DOCK2: variants seen among roughly 807,000 people sequenced by gnomAD.
DOCK2 encodes dedicator of cytokinesis 2.
Under a neutral mutation model 248.9 loss-of-function variants are expected in DOCK2, and 87 were observed. That is an observed-to-expected ratio of 0.35 (90% CI 0.29 to 0.42). The LOEUF (loss-of-function observed/expected upper bound fraction) is 0.42, where lower values mean the gene tolerates loss of function less well. DOCK2 is among the 10% of genes least tolerant of loss of function. DOCK2 has a pLI of 1.00. For missense variants in DOCK2, 1,747 were observed against 2,300.2 expected, an observed-to-expected ratio of 0.76 and a Z score of 4.92; for synonymous variants, 805 against 821.6, an observed-to-expected ratio of 0.98 and a Z score of 0.35.
At position 169,724,281 on chromosome 5, in the gene DOCK2, AAAC is replaced by A. The variant is rs755059095; in HGVS notation, c.2267+5502_2267+5504del. 1.4e-4 allele frequency among the ~76,000 whole-genome samples: 22 copies of A among 152,286 alleles called. No individual in the cohort carries two copies. In the South Asian group the frequency reaches 2.9e-3, roughly 20 times the overall value. ...TCCCTAAGTGCAGTAGGAATTCTGC[AAAC>A]AACAACAACAAGATGAGCTGGAGCA... On this transcript the variant is annotated intron_variant, in intron 22 of 51. Coordinates refer to ENST00000520908, the MANE Select transcript of DOCK2 (RefSeq NM_004946.3).
chr5:169,976,153 T>A (rs536308631), intron 27 of DOCK2, among the ~76,000 whole-genome samples: 10 of 152,248 alleles, frequency 6.6e-5, no homozygotes, highest in Non-Finnish European at 1.3e-4. Flanking sequence ...ATTGAACCCA[T>A]GCAATATGCA....
At chr5:169,910,575 G>A (rs1774539739) in intron 27 of DOCK2, among the ~76,000 whole-genome samples, 1 of 152,052 alleles carries the variant, frequency 6.6e-6, no homozygotes, top group African/African-American at 2.4e-5. Flanking sequence ...GCTCCTCCGA[G>A]GTTCACTGCA....
chr5:170,034,813 G>A (rs1447385007), intron 35 of DOCK2, among the ~76,000 whole-genome samples: 2 of 152,328 alleles, frequency 1.3e-5, no homozygotes, highest in Non-Finnish European at 1.5e-5. Flanking sequence ...ACATCACATG[G>A]AAGGAAGATG....
chr5:169,744,720 T>C (rs1763509873), intron 22 of DOCK2, among the ~76,000 whole-genome samples: 1 of 152,086 alleles, frequency 6.6e-6, no homozygotes, highest in African/African-American at 2.4e-5. Context: ...GCCATTAAGA[T>C]CACTCCAAAA....
intron 2 of DOCK2, among the ~76,000 whole-genome samples, chr5:169,658,766 TG>T (rs999300140): frequency 2.0e-4 from 31 of 151,270 alleles, no homozygotes; most frequent in African/African-American, 7.0e-4. Context: ...GTCTTTAAGT[TG>T]GGCATGATGG....
chr5:170,066,686 T>C (rs1382365623), intron 44 of DOCK2, among the ~76,000 whole-genome samples: 1 of 152,182 alleles, frequency 6.6e-6, no homozygotes, highest in Admixed American at 6.5e-5. Flanking sequence ...TTTTATTTAG[T>C]TTGTTTCTGT....
At chr5:169,657,270 G>A (rs1758176214) in intron 2 of DOCK2, among the ~76,000 whole-genome samples, 1 of 151,958 alleles carries the variant, frequency 6.6e-6, no homozygotes, top group Non-Finnish European at 1.5e-5. Flanking sequence ...CTTCAGATGG[G>A]GTGTATGGTC....
At chr5:170,019,132 AT>A in intron 33 of DOCK2, 24 bp downstream of exon 33, 1 of 1,612,976 alleles carries the variant, frequency 6.2e-7, no homozygotes, top group Non-Finnish European at 8.5e-7. Context: ...CCGGAAACTC[AT>A]GCCAGCATGC....
chr5:170,065,211 G>T (rs1757449900), intron 44 of DOCK2, among the ~76,000 whole-genome samples: 1 of 152,152 alleles, frequency 6.6e-6, no homozygotes, highest in South Asian at 2.1e-4. Flanking sequence ...TATGTTTTAT[G>T]TAAGCCTCAG....
intron 35 of DOCK2, among the ~76,000 whole-genome samples, chr5:170,035,311 A>ATT (rs1756286285): frequency 6.6e-6 from 1 of 152,182 alleles, no homozygotes; most frequent in Non-Finnish European, 1.5e-5. Context: ...CCATCACATC[A>ATT]ACCTCCCTAC....
At chr5:169,883,041 A>G (rs1379854346) in intron 27 of DOCK2, 3 of 1,551,652 alleles carry the variant, frequency 1.9e-6, no homozygotes, top group Non-Finnish European at 2.6e-6. Context: ...GGTCTTTGTC[A>G]TCTGAGTTGT....
At chr5:170,039,182 A>G (rs954741374) in intron 36 of DOCK2, among the ~76,000 whole-genome samples, 1 of 152,156 alleles carries the variant, frequency 6.6e-6, no homozygotes, top group Non-Finnish European at 1.5e-5. Flanking sequence ...TAAAACACCC[A>G]TTTTTTGAAT....
In DOCK2 at chr5:169,936,541, G is replaced by A. The variant is rs1776006814; in HGVS notation, c.2800-46527G>A. On this transcript the variant is annotated intron_variant, in intron 27 of 51. Coordinates refer to ENST00000520908, the MANE Select transcript of DOCK2 (RefSeq NM_004946.3). ...ATTCTATCCTGTGTGTATTTCGATG[G>A]GCATGTTGGGGAGAATCATTGGTGA... Among the ~76,000 whole-genome samples the A allele has an allele frequency of 2.0e-5, 3 of 150,606 alleles. No homozygotes were observed. The South Asian group carries it at 6.3e-4, about 32-fold the overall frequency.
Position 170,042,150 on chromosome 5 carries a change from A to AC in DOCK2, c.3876+24dup. On this transcript the variant is annotated intron_variant, in intron 38 of 51. Transcript: ENST00000520908. Reference sequence around the variant, plus strand: ...AAGGAAAGGTAATCTGTCCCTGCCCACCCCCCGTGGGGACCCTGGCCACTG... The same window carrying AC: ...AAGGAAAGGTAATCTGTCCCTGCCCACCCCCCCGTGGGGACCCTGGCCACTG... The AC allele has an allele frequency of 6.3e-7, 1 of 1,594,852 alleles. No individual in the cohort carries two copies. The highest frequency in any genetic ancestry group is 8.5e-7 in the Non-Finnish European group (1 of 1,170,178).
intron 27 of DOCK2, among the ~76,000 whole-genome samples, chr5:169,887,645 G>A (rs1338716753): frequency 6.6e-6 from 1 of 152,142 alleles, no homozygotes; most frequent in African/African-American, 2.4e-5. Context: ...TATTTAGGTT[G>A]TTTCTAAATA....
At chr5:169,714,589 C>T (rs530657386) in intron 19 of DOCK2, 132 bp downstream of exon 19, 69 of 927,476 alleles carry the variant, frequency 7.4e-5, no homozygotes, top group Admixed American at 6.6e-4. Flanking sequence ...TACACTCTCC[C>T]GAGTTGCCTT....
intron 41 of DOCK2, among the ~76,000 whole-genome samples, chr5:170,051,821 GATAAATAA>G (rs1367673839): frequency 6.6e-6 from 1 of 152,184 alleles, no homozygotes; most frequent in South Asian, 2.1e-4. Context: ...GAAGAAAAGA[GATAAATAA>G]ATAGAGAAAG....
intron 27 of DOCK2, among the ~76,000 whole-genome samples, chr5:169,972,473 C>CA (rs1438507995): frequency 1.8e-5 from 2 of 111,342 alleles, no homozygotes; most frequent in Non-Finnish European, 3.5e-5. Flanking sequence ...TCACTTTTGA[C>CA]AATGAAAAAT....
At chr5:169,954,024 C>T (rs1208092884) in intron 27 of DOCK2, among the ~76,000 whole-genome samples, 1 of 152,214 alleles carries the variant, frequency 6.6e-6, no homozygotes, top group Non-Finnish European at 1.5e-5. Flanking sequence ...ATTCTATACT[C>T]TGGTTCTAGA....
Sources: gnomAD v4.1 joint callset for allele counts (sites outside exome capture counted in the v4.1 genomes callset) on GRCh38, gnomAD v4.1.1 for gene constraint, MANE v1.5 for transcripts, NCBI Gene and HGNC (gene_info 2026-07-23, HGNC 2026-07-21) for gene names.